Variants in CDH13 observed in about 807,000 individuals in gnomAD.
The protein encoded by CDH13 is cadherin-13.
In CDH13, 24 loss-of-function variants were observed where a neutral mutation model predicts 63.8. That is an observed-to-expected ratio of 0.38 (90% CI 0.27 to 0.53). The LOEUF (loss-of-function observed/expected upper bound fraction) is 0.53, where lower values mean the gene tolerates loss of function less well. Ranked by LOEUF, CDH13 falls within the 20% of genes least tolerant of loss-of-function variation. CDH13 has a pLI of 0.85. For synonymous variants in CDH13, 503 were observed against 355.3 expected (o/e 1.42, Z -4.67); for missense variants, 1,049 against 903.1 (o/e 1.16, Z -2.07).
intron 7 of CDH13, among the ~76,000 whole-genome samples, chr16:83,541,465 C>G (rs933601883): frequency 6.6e-6 from 1 of 152,194 alleles, no homozygotes; most frequent in Non-Finnish European, 1.5e-5. Context: ...TCACTAAACT[C>G]TGTTTGTTTT....
At chr16:83,116,461 C>A (rs1423992060) in intron 3 of CDH13, among the ~76,000 whole-genome samples, 1 of 152,230 alleles carries the variant, frequency 6.6e-6, no homozygotes, top group Non-Finnish European at 1.5e-5. Context: ...CCTTGACACA[C>A]TCCTGACCAG....
chr16:82,656,884 A>C (rs777745623), intron 1 of CDH13, among the ~76,000 whole-genome samples: 2 of 148,570 alleles, frequency 1.3e-5, no homozygotes, highest in Admixed American at 6.7e-5. Flanking sequence ...CATGCATTGA[A>C]GTTTCCTCCA....
At chr16:83,418,299 C>A (rs1209367349) in intron 6 of CDH13, among the ~76,000 whole-genome samples, 1 of 152,052 alleles carries the variant, frequency 6.6e-6, no homozygotes, top group Non-Finnish European at 1.5e-5. Flanking sequence ...CTTGTCAGTA[C>A]CCAGTAACTG....
chr16:82,651,002 A>C (rs961255811), intron 1 of CDH13, among the ~76,000 whole-genome samples: 53 of 152,246 alleles, frequency 3.5e-4, no homozygotes, highest in African/African-American at 1.3e-3. Context: ...GCTAATCTTT[A>C]CCTGTCATGT....
chr16:83,216,384 C>A (rs1402353511), intron 4 of CDH13, among the ~76,000 whole-genome samples: 1 of 41,484 alleles, frequency 2.4e-5, no homozygotes, highest in Non-Finnish European at 6.4e-5. Context: ...ATGTCCTCTG[C>A]CTCCAGCATT....
At chr16:83,573,172 G>A (rs996252545) in intron 7 of CDH13, among the ~76,000 whole-genome samples, 1 of 152,204 alleles carries the variant, frequency 6.6e-6, no homozygotes, top group African/African-American at 2.4e-5. Flanking sequence ...GACACTGAAA[G>A]AACCTTGAAT....
intron 4 of CDH13, among the ~76,000 whole-genome samples, chr16:83,152,739 T>G (rs1202192258): frequency 6.6e-6 from 1 of 152,198 alleles, no homozygotes; most frequent in Non-Finnish European, 1.5e-5. Context: ...ACCCATGTGT[T>G]GAAGTCCTAA....
At chr16:83,697,581 C>T (rs1343044530) in intron 10 of CDH13, among the ~76,000 whole-genome samples, 3 of 152,066 alleles carry the variant, frequency 2.0e-5, no homozygotes, top group African/African-American at 4.8e-5. Context: ...AAGATAAGGC[C>T]GTGTATTGAT....
At chr16:83,245,773 C>T (rs1353213623) in intron 5 of CDH13, among the ~76,000 whole-genome samples, 1 of 152,066 alleles carries the variant, frequency 6.6e-6, no homozygotes, top group Admixed American at 6.6e-5. Context: ...GGCAGGGTCT[C>T]ACCCTGTCTC....
At chr16:83,702,670 A>G (rs1414019359) in intron 10 of CDH13, among the ~76,000 whole-genome samples, 1 of 152,184 alleles carries the variant, frequency 6.6e-6, no homozygotes, top group African/African-American at 2.4e-5. Context: ...GAGATGCTCA[A>G]GGTCGGTGGC....
intron 6 of CDH13, among the ~76,000 whole-genome samples, chr16:83,346,979 A>T (rs1362853525): frequency 1.3e-5 from 2 of 152,190 alleles, no homozygotes; most frequent in African/African-American, 4.8e-5. Flanking sequence ...TTTCTTTCTC[A>T]GCACCCTCTG....
intron 5 of CDH13, among the ~76,000 whole-genome samples, chr16:83,230,814 G>A (rs2151802513): frequency 6.6e-6 from 1 of 152,334 alleles, no homozygotes; most frequent in Admixed American, 6.5e-5. Context: ...ATCAAACTGA[G>A]AAGACAAGTA....
chr16:83,029,349 G>C (rs1180398567), intron 2 of CDH13, among the ~76,000 whole-genome samples: 6 of 152,096 alleles, frequency 3.9e-5, no homozygotes, highest in Non-Finnish European at 8.8e-5. Context: ...GTTACCAAAA[G>C]ATGTACACAA....
intron 13 of CDH13, among the ~76,000 whole-genome samples, chr16:83,787,104 C>A (rs141013046): frequency 6.6e-6 from 1 of 152,308 alleles, no homozygotes; most frequent in Non-Finnish European, 1.5e-5. Flanking sequence ...ACATACAGTT[C>A]TATTTTGTGC....
At chr16:83,522,812 C>G (rs929836242) in intron 7 of CDH13, among the ~76,000 whole-genome samples, 3 of 152,060 alleles carry the variant, frequency 2.0e-5, no homozygotes, top group Non-Finnish European at 2.9e-5. Context: ...GAGGCTCTGA[C>G]CTCCACCTAT....
chr16:82,997,889 A>C (rs1229965453), intron 2 of CDH13, among the ~76,000 whole-genome samples: 1 of 152,236 alleles, frequency 6.6e-6, no homozygotes, highest in African/African-American at 2.4e-5. Context: ...AATATCAGCT[A>C]AGGTGAATCT....
rs1909789813 is a variant in CDH13 at position 82,644,228 on chromosome 16, A to T, written c.45+17091A>T. 6.6e-6 allele frequency among the ~76,000 whole-genome samples: 1 copy of T among 152,164 alleles called. No individual in the cohort carries two copies. The highest frequency in any genetic ancestry group is 2.4e-5 in the African/African-American group (1 of 41,432). On this transcript the variant is annotated intron_variant, in intron 1 of 13. Transcript: ENST00000567109. This position sits in a 1 kb window ranked among gnomAD's most constrained non-coding sequence, Gnocchi z 5.7. ...CGGCTGAAGAATTCAATAGCCTAGTAATGAGAAGTCAATCTAAGGTCTAAG... is the reference window on the plus strand; with the variant it reads ...CGGCTGAAGAATTCAATAGCCTAGTTATGAGAAGTCAATCTAAGGTCTAAG...
intron 7 of CDH13, among the ~76,000 whole-genome samples, chr16:83,598,283 T>A (rs1003870595): frequency 4.6e-5 from 7 of 152,108 alleles, no homozygotes; most frequent in Admixed American, 1.3e-4. Flanking sequence ...GAGGATTGTT[T>A]GAGCCAGGAA....
chr16:83,304,968 T>C (rs2089839201), intron 5 of CDH13, among the ~76,000 whole-genome samples: 1 of 152,210 alleles, frequency 6.6e-6, no homozygotes, highest in African/African-American at 2.4e-5. Context: ...CAAAGGAGCA[T>C]TTTATTTAAG....
Sources: allele counts gnomAD v4.1 joint callset (sites outside exome capture counted in the v4.1 genomes callset), GRCh38; gene constraint gnomAD v4.1.1; non-coding constraint Gnocchi (gnomAD v3.1); transcripts MANE v1.5; gene names NCBI Gene and HGNC (gene_info 2026-07-23, HGNC 2026-07-21).